The following POFUT3 variants were observed in gnomAD, a reference collection of about 807,000 sequenced individuals.
The protein encoded by POFUT3 is GDP-fucose protein O-fucosyltransferase 3.
At chr8:33,354,533 T>C in the POFUT3 span, among the ~76,000 whole-genome samples, 4 of 152,192 alleles carry the variant, frequency 2.6e-5, no homozygotes, top group African/African-American at 9.7e-5. Flanking sequence ...GGCCTTTTTG[T>C]TCTATCTAAC....
chr8:33,375,878 G>A, the POFUT3 span, among the ~76,000 whole-genome samples: 2 of 151,918 alleles, frequency 1.3e-5, no homozygotes, highest in Non-Finnish European at 2.9e-5. Flanking sequence ...TGAGCCGGGT[G>A]TGGTGGCGCG....
the POFUT3 span, among the ~76,000 whole-genome samples, chr8:33,401,009 C>T: frequency 6.6e-6 from 1 of 152,026 alleles, no homozygotes; most frequent in Non-Finnish European, 1.5e-5. Flanking sequence ...GAGTTGGAAT[C>T]TCACTTTGTC....
the POFUT3 span, chr8:33,461,583 T>C: frequency 6.5e-7 from 1 of 1,545,100 alleles, no homozygotes; most frequent in South Asian, 1.2e-5. Context: ...CCATTCCTGC[T>C]GGGACCAGGT....
At chr8:33,372,723 G>A in the POFUT3 span, 42 of 1,614,048 alleles carry the variant, frequency 2.6e-5, no homozygotes, top group East Asian at 5.6e-4. Context: ...GGTGGAGTCC[G>A]GAGTGGTGAG....
chr8:33,453,150 A>G, the POFUT3 span: 1 of 1,513,930 alleles, frequency 6.6e-7, no homozygotes, highest in East Asian at 2.3e-5. Context: ...TTTCAGAGGT[A>G]AACTGTAACT....
At chr8:33,469,359 C>T in the POFUT3 span, among the ~76,000 whole-genome samples, 10 of 152,276 alleles carry the variant, frequency 6.6e-5, no homozygotes, top group South Asian at 6.2e-4. Context: ...ATGTGTACCT[C>T]GCTCATTTTC....
the POFUT3 span, among the ~76,000 whole-genome samples, chr8:33,462,107 T>A: frequency 2.5e-4 from 1 of 3,932 alleles, no homozygotes; most frequent in African/African-American, 1.1e-3. Context: ...TTGCAGTGAG[T>A]AGCCTGGGTA....
At chr8:33,377,197 A>G in the POFUT3 span, among the ~76,000 whole-genome samples, 15 of 151,564 alleles carry the variant, frequency 9.9e-5, no homozygotes, top group Non-Finnish European at 8.8e-5. Flanking sequence ...GCACCATTGC[A>G]CTCCAGCCCA....
At chr8:33,446,508 T>C in the POFUT3 span, among the ~76,000 whole-genome samples, 1 of 149,446 alleles carries the variant, frequency 6.7e-6, no homozygotes, top group African/African-American at 2.5e-5. Context: ...TGGCACAGAG[T>C]AGGTACCAAT....
chr8:33,397,320 G>T, the POFUT3 span, among the ~76,000 whole-genome samples: 1 of 152,206 alleles, frequency 6.6e-6, no homozygotes, highest in Non-Finnish European at 1.5e-5. Context: ...TTTGGGAAGA[G>T]CATTGTCCAG....
chr8:33,439,929 A>G, the POFUT3 span, among the ~76,000 whole-genome samples: 1 of 152,088 alleles, frequency 6.6e-6, no homozygotes, highest in Non-Finnish European at 1.5e-5. Context: ...TGAAACCCTG[A>G]TGGCCTGGCT....
chr8:33,364,458 A>G, the POFUT3 span, among the ~76,000 whole-genome samples: 4 of 152,198 alleles, frequency 2.6e-5, no homozygotes, highest in African/African-American at 9.7e-5. Context: ...AGGGTATTCA[A>G]TTAGGAAATG....
chr8:33,358,263 AAT>A, the POFUT3 span, among the ~76,000 whole-genome samples: 2 of 152,274 alleles, frequency 1.3e-5, no homozygotes, highest in African/African-American at 2.4e-5. Flanking sequence ...AAAAATAAAT[AAT>A]AAATAAATTT....
chr8:33,435,337 C>T, the POFUT3 span, among the ~76,000 whole-genome samples: 1 of 151,292 alleles, frequency 6.6e-6, no homozygotes, highest in Non-Finnish European at 1.5e-5. Flanking sequence ...TCTGCCTCAG[C>T]CTCCCAAGTA....
the POFUT3 span, among the ~76,000 whole-genome samples, chr8:33,360,007 A>G: frequency 6.6e-6 from 1 of 152,092 alleles, no homozygotes; most frequent in South Asian, 2.1e-4. Context: ...CTCCATCTCA[A>G]AAAAAACCAA....
chr8:33,385,247 G>A, the POFUT3 span, among the ~76,000 whole-genome samples: 1 of 152,114 alleles, frequency 6.6e-6, no homozygotes, highest in Non-Finnish European at 1.5e-5. Context: ...CGGGTGGTGG[G>A]GGAAGGGGCA....
the POFUT3 span, among the ~76,000 whole-genome samples, chr8:33,332,978 C>T: frequency 6.6e-6 from 1 of 152,164 alleles, no homozygotes; most frequent in Non-Finnish European, 1.5e-5. Context: ...ATCATAGCAA[C>T]CTGAAGTTCA....
At chr8:33,319,849 G>T in the POFUT3 span, among the ~76,000 whole-genome samples, 1 of 142,800 alleles carries the variant, frequency 7.0e-6, no homozygotes, top group African/African-American at 2.6e-5. Context: ...CAGCTCCTGA[G>T]GCATAGTCTT....
chr8:33,407,131 T>C, the POFUT3 span, among the ~76,000 whole-genome samples: 1 of 152,172 alleles, frequency 6.6e-6, no homozygotes, highest in Non-Finnish European at 1.5e-5. Flanking sequence ...TATGGAAAAT[T>C]ATGTGGCACA....
Sources: gnomAD v4.1 joint callset for allele counts (sites outside exome capture counted in the v4.1 genomes callset) on GRCh38, gnomAD v4.1.1 for gene constraint, MANE v1.5 for transcripts, NCBI Gene and HGNC (gene_info 2026-07-23, HGNC 2026-07-21) for gene names.